The following FAM149B1 variants were observed in gnomAD, a reference collection of about 807,000 sequenced individuals.
FAM149B1 encodes family with sequence similarity 149 member B1, also known as primary cilium assembly protein FAM149B1.
Under a neutral mutation model 75.3 loss-of-function variants are expected in FAM149B1, and 56 were observed. That is an observed-to-expected ratio of 0.74 (90% CI 0.60 to 0.93). FAM149B1 has a LOEUF of 0.93. Ranked by LOEUF, FAM149B1 falls within the 40% of genes least tolerant of loss-of-function variation. The pLI, the probability that FAM149B1 is intolerant of heterozygous loss-of-function variation, is 0.00. For synonymous variants in FAM149B1, 259 were observed against 256.1 expected (o/e 1.01, Z -0.11); for missense variants, 639 against 708.4 (o/e 0.90, Z 1.11).
intron 3 of FAM149B1, among the ~76,000 whole-genome samples, chr10:73,181,692 G>T (rs957356718): frequency 1.3e-5 from 2 of 152,158 alleles, no homozygotes; most frequent in Non-Finnish European, 2.9e-5. Flanking sequence ...AATGATCAAT[G>T]TGCTGAGGAA....
At chr10:73,192,423 C>T (rs940074161) in intron 3 of FAM149B1, 133 bp from the exon 4 acceptor site, 5 of 831,604 alleles carry the variant, frequency 6.0e-6, no homozygotes, top group Admixed American at 3.4e-5. Flanking sequence ...ACTTTTCTTT[C>T]GTGGAAACAC....
intron 3 of FAM149B1, among the ~76,000 whole-genome samples, chr10:73,178,237 A>G (rs1428627563): frequency 2.0e-5 from 3 of 152,204 alleles, no homozygotes; most frequent in African/African-American, 7.2e-5. Flanking sequence ...CACGCCTGCA[A>G]TCCCAGCACT....
At chr10:73,219,445 G>C (rs1048296751) in intron 7 of FAM149B1, among the ~76,000 whole-genome samples, 2 of 152,146 alleles carry the variant, frequency 1.3e-5, no homozygotes, top group African/African-American at 4.8e-5. Context: ...GCCTTGAATA[G>C]TCAAAACAAT....
chr10:73,213,051 T>C (rs1406030193), intron 7 of FAM149B1, among the ~76,000 whole-genome samples: 1 of 152,048 alleles, frequency 6.6e-6, no homozygotes, highest in East Asian at 1.9e-4. Flanking sequence ...TTAACCATGT[T>C]GCCTGGGCTG....
intron 8 of FAM149B1, 167 bp from the exon 9 acceptor site, chr10:73,230,255 C>T: frequency 1.8e-6 from 1 of 542,302 alleles, no homozygotes; most frequent in South Asian, 2.1e-5. Flanking sequence ...ATCACATGGA[C>T]AGTTGACTTG....
intron 7 of FAM149B1, among the ~76,000 whole-genome samples, chr10:73,224,488 T>C (rs2133389224): frequency 6.6e-6 from 1 of 151,522 alleles, no homozygotes; most frequent in East Asian, 1.9e-4. Flanking sequence ...TTTTTTTTTT[T>C]TTTGAGACAG....
chr10:73,187,391 T>TAAAAAAAAA, intron 3 of FAM149B1, among the ~76,000 whole-genome samples: 1 of 80,994 alleles, frequency 1.2e-5, no homozygotes, highest in Non-Finnish European at 2.6e-5. Context: ...TCCAGATTAG[T>TAAAAAAAAA]AAAAAAAAAA....
rs1011665394 is a variant in FAM149B1 at position 73,175,197 on chromosome 10, A to T, written c.152+406A>T. ...GCAACATGGCAAACCCCATCTCTACAAAAAAATAAATAAATAAAATAACAT... is the reference window on the plus strand; with the variant it reads ...GCAACATGGCAAACCCCATCTCTACTAAAAAATAAATAAATAAAATAACAT... On this transcript the variant is annotated intron_variant, in intron 2 of 13. Transcript: ENST00000242505. 2.6e-5 allele frequency among the ~76,000 whole-genome samples: 4 copies of T among 152,040 alleles called. No individual in the cohort carries two copies. In the East Asian group the frequency reaches 5.8e-4, roughly 22 times the overall value.
chr10:73,191,241 T>TGTC (rs1467438441), intron 3 of FAM149B1, among the ~76,000 whole-genome samples: 1 of 151,856 alleles, frequency 6.6e-6, no homozygotes, highest in Non-Finnish European at 1.5e-5. Context: ...GGTTTCTCCA[T>TGTC]GTCGGTCAGG....
chr10:73,205,349 CTCTG>C (rs1299717813), intron 5 of FAM149B1, among the ~76,000 whole-genome samples: 4 of 152,040 alleles, frequency 2.6e-5, no homozygotes, highest in South Asian at 4.2e-4. Context: ...CACACACACA[CTCTG>C]TCTTTCTTCT....
In FAM149B1 at chr10:73,208,758, G is replaced by C. The variant is rs1215903498; in HGVS notation, c.682G>C (p.Glu228Gln). The C allele has an allele frequency of 1.3e-6, 2 of 1,526,094 alleles. No individual in the cohort carries two copies. Among genetic ancestry groups the C allele is most frequent in the East Asian group, 2.5e-5 (1 of 40,354 alleles). The allele number at this position is 1,526,094 out of a possible 1,614,324, so 94.5% of individuals were successfully genotyped here. Residue 228 changes from glutamate (E) to glutamine (Q), a missense_variant, in exon 6 of 14, where the codon GAA becomes CAA. Glu to Gln is a conservative substitution (Grantham distance 29). Transcript: ENST00000242505. Reference protein sequence around the residue: ...SIIVSEGIIEEYLAFDHIDIE... With the variant: ...SIIVSEGIIEQYLAFDHIDIE... ...AATCGTCTCAGAAGGAATAATTGAG[G>C]AATACCTAGCATTCGATCACATAGA...
At chr10:73,234,766 T>C in intron 10 of FAM149B1, 51 bp from the exon 11 acceptor site, 2 of 1,538,330 alleles carry the variant, frequency 1.3e-6, no homozygotes, top group South Asian at 2.4e-5. Context: ...TTGCTGGTAT[T>C]GTTATAACTT....
intron 7 of FAM149B1, among the ~76,000 whole-genome samples, chr10:73,226,072 G>C (rs560823036): frequency 6.6e-6 from 1 of 151,466 alleles, no homozygotes; most frequent in African/African-American, 2.4e-5. Flanking sequence ...GTGTAAAATG[G>C]TAAGTCATGT....
intron 1 of FAM149B1, among the ~76,000 whole-genome samples, chr10:73,169,504 C>G (rs1843613070): frequency 6.7e-6 from 1 of 149,738 alleles, no homozygotes; most frequent in African/African-American, 2.5e-5. Flanking sequence ...GTTGTCCAGG[C>G]TGGAGGGCAG....
At chr10:73,196,501 T>G (rs911872671) in intron 5 of FAM149B1, among the ~76,000 whole-genome samples, 3 of 152,204 alleles carry the variant, frequency 2.0e-5, no homozygotes, top group Non-Finnish European at 4.4e-5. Context: ...AGAAAATGTG[T>G]CATTAATTCA....
intron 2 of FAM149B1, 28 bp from the exon 3 acceptor site, chr10:73,177,818 C>G: frequency 6.5e-7 from 1 of 1,531,224 alleles, no homozygotes; most frequent in East Asian, 2.5e-5. Flanking sequence ...TTTCTTTTTT[C>G]TCTCCTCCTC....
rs187282352 is a variant in FAM149B1 at position 73,173,307 on chromosome 10, C to T, written c.48-1380C>T. On this transcript the variant is annotated intron_variant, in intron 1 of 13. Coordinates refer to ENST00000242505, the MANE Select transcript of FAM149B1 (RefSeq NM_173348.2). ...AATGACGTTGGTACAATACTGTTAA[C>T]TAGACCTACAGACCTTATCCAGTTT... Among the ~76,000 whole-genome samples, 5 of 152,262 alleles carry T rather than the reference C, an allele frequency of 3.3e-5. No individual in the cohort carries two copies. The East Asian group carries it at 9.6e-4, about 29-fold the overall frequency.
chr10:73,215,974 G>A (rs1387758410), intron 7 of FAM149B1, among the ~76,000 whole-genome samples: 1 of 152,130 alleles, frequency 6.6e-6, no homozygotes, highest in Non-Finnish European at 1.5e-5. Flanking sequence ...CTGTCTCTTT[G>A]CTCTGTCTAG....
intron 5 of FAM149B1, among the ~76,000 whole-genome samples, chr10:73,208,237 C>T (rs1296291215): frequency 6.6e-6 from 1 of 152,226 alleles, no homozygotes; most frequent in Non-Finnish European, 1.5e-5. Context: ...CTTTGTAAGT[C>T]CTCTGCAGAA....
Sources: allele counts gnomAD v4.1 joint callset (sites outside exome capture counted in the v4.1 genomes callset), GRCh38; gene constraint gnomAD v4.1.1; transcripts MANE v1.5; gene names NCBI Gene and HGNC (gene_info 2026-07-23, HGNC 2026-07-21).